AMBRA1: variants seen among roughly 807,000 people sequenced by gnomAD.
The protein encoded by AMBRA1 is autophagy and beclin 1 regulator 1, also known as activating molecule in BECN1-regulated autophagy protein 1.
Under a neutral mutation model 125.4 loss-of-function variants are expected in AMBRA1, and 47 were observed. That is an observed-to-expected ratio of 0.37 (90% CI 0.30 to 0.48). The LOEUF (loss-of-function observed/expected upper bound fraction) is 0.48, where lower values mean the gene tolerates loss of function less well. Among genes scored for constraint, AMBRA1 ranks in the 20% least tolerant of loss-of-function variants. AMBRA1 has a pLI of 0.99. For synonymous variants in AMBRA1, 626 were observed against 655.5 expected (o/e 0.95, Z 0.69); for missense variants, 1,331 against 1,693.4 (o/e 0.79, Z 3.76).
rs143880001 is a variant in AMBRA1 at position 46,508,349 on chromosome 11, G to A, written c.2181C>T (p.Tyr727=). 2,689 of 1,614,110 alleles carry A rather than the reference G, an allele frequency of 1.7e-3. 14 individuals are homozygous for A. The highest frequency in any genetic ancestry group is 1.2e-3 in the Non-Finnish European group (1,398 of 1,179,980). The change falls in exon 9 of 18, where the codon TAC becomes TAT. Residue 727 remains tyrosine, a synonymous_variant. Transcript: ENST00000683756. The stretch of plus-strand genomic sequence containing the variant: ...AGAGATACTGGATCATCCTCTGGGC[G>A]TAGTATGCAGCAGGAGATAATCTGA... ...DPARLSPAAY[Y]AQRMIQYLSR... is the part of the protein sequence containing the mutation.
chr11:46,467,797 AG>A (rs773305075), intron 11 of AMBRA1, among the ~76,000 whole-genome samples: 15 of 152,194 alleles, frequency 9.9e-5, no homozygotes, highest in African/African-American at 3.4e-4. Flanking sequence ...CTGGGATTAT[AG>A]GTGTGAGCCA....
chr11:46,525,837 A>G (rs1158756977), intron 7 of AMBRA1, among the ~76,000 whole-genome samples: 1 of 151,362 alleles, frequency 6.6e-6, no homozygotes, highest in Non-Finnish European at 1.5e-5. Context: ...GCTTGAACCC[A>G]GAAGATGGAG....
At position 46,547,859 on chromosome 11, in the gene AMBRA1, T is replaced by C; in HGVS notation, c.152A>G (p.Asp51Gly). 1.9e-6 allele frequency: 3 copies of C among 1,606,578 alleles called. No individual in the cohort carries two copies. Among genetic ancestry groups the C allele is most frequent in the Non-Finnish European group, 2.5e-6 (3 of 1,177,148 alleles). ...KWEGKRVELP[D>G]SPRSTFLLAF... ...CAATAAGAAGGTAGAGCGTGGACTA[T>C]CCGGCAGTTCTACTCTCTGGGAGAC... The change falls in exon 3 of 18, where the codon GAT (aspartate) becomes GGT (glycine). Residue 51 changes from aspartate (D) to glycine (G), a missense_variant. By Grantham distance (94) the Asp-to-Gly change is moderately conservative (BLOSUM62 -1). Around this residue, in one of 4 missense-constraint regions of AMBRA1, gnomAD observed 144 missense variants for 250.4 expected, o/e 0.58. Coordinates refer to ENST00000683756, the MANE Select transcript of AMBRA1 (RefSeq NM_001387011.1).
At chr11:46,446,030 C>T (rs1268532096) in intron 11 of AMBRA1, among the ~76,000 whole-genome samples, 1 of 152,178 alleles carries the variant, frequency 6.6e-6, no homozygotes, top group African/African-American at 2.4e-5. Flanking sequence ...GCTCCAGAGG[C>T]ATCCTGTACT....
intron 11 of AMBRA1, among the ~76,000 whole-genome samples, chr11:46,459,108 G>A (rs998156713): frequency 5.9e-5 from 9 of 152,226 alleles, no homozygotes; most frequent in African/African-American, 1.9e-4. Context: ...GGAACACCAC[G>A]CAGCCACTAC....
At chr11:46,488,963 C>T (rs943852329) in intron 11 of AMBRA1, among the ~76,000 whole-genome samples, 3 of 152,092 alleles carry the variant, frequency 2.0e-5, no homozygotes, top group Non-Finnish European at 2.9e-5. Context: ...AGTGCGGGGG[C>T]GAGATCTTGG....
chr11:46,579,045 T>TTAAAAAAA (rs755297972), intron 1 of AMBRA1, among the ~76,000 whole-genome samples: 4 of 68,028 alleles, frequency 5.9e-5, no homozygotes, highest in Non-Finnish European at 9.1e-5. Context: ...AAGAAAGCAA[T>TTAAAAAAA]AAAAAAAAAA....
At chr11:46,533,379 A>T (rs1280021943) in intron 7 of AMBRA1, among the ~76,000 whole-genome samples, 1 of 152,230 alleles carries the variant, frequency 6.6e-6, no homozygotes, top group Non-Finnish European at 1.5e-5. Flanking sequence ...AGCAAAAAAC[A>T]GGAATTTCAT....
At chr11:46,468,339 A>G (rs1949418863) in intron 11 of AMBRA1, among the ~76,000 whole-genome samples, 1 of 151,994 alleles carries the variant, frequency 6.6e-6, no homozygotes, top group Non-Finnish European at 1.5e-5. Context: ...CAGGAGTTTG[A>G]GAACAGCCTG....
intron 1 of AMBRA1, among the ~76,000 whole-genome samples, chr11:46,586,964 A>G (rs1472371454): frequency 6.6e-6 from 1 of 152,056 alleles, no homozygotes; most frequent in African/African-American, 2.4e-5. Flanking sequence ...ATCCTCTCCA[A>G]CTCAGCAAAA....
chr11:46,430,860 A>G (rs185307961), intron 14 of AMBRA1, among the ~76,000 whole-genome samples: 47 of 152,310 alleles, frequency 3.1e-4, no homozygotes, highest in African/African-American at 1.0e-3. Flanking sequence ...AGAGCTTGAC[A>G]TTAGAGATGG....
chr11:46,439,484 C>T (rs1169383381), intron 12 of AMBRA1, among the ~76,000 whole-genome samples: 6 of 152,020 alleles, frequency 3.9e-5, no homozygotes, highest in Middle Eastern at 6.8e-3. Context: ...AAGTGAGTAG[C>T]CATATGGGGG....
rs886508289 is a variant in AMBRA1, at chr11:46,548,166, C to G, written c.135+80G>C. ...CACACAAGATAAATATATCCCAACTCTCTGCTGTTAACCCATTCTAAGGTC... is the reference window on the plus strand; with the variant it reads ...CACACAAGATAAATATATCCCAACTGTCTGCTGTTAACCCATTCTAAGGTC... On this transcript the variant is annotated intron_variant, in intron 2 of 17. Coordinates refer to ENST00000683756, the MANE Select transcript of AMBRA1 (RefSeq NM_001387011.1). 3 of 1,578,880 alleles carry G rather than the reference C, an allele frequency of 1.9e-6. No individual in the cohort carries two copies. The African/African-American group carries it at 4.0e-5, about 21-fold the overall frequency.
In AMBRA1 at chr11:46,542,658, C is replaced by T. The variant is rs758483193; in HGVS notation, c.1359G>A (p.Gln453=). The change falls in exon 7 of 18, where the codon CAG becomes CAA. Residue 453 remains glutamine (Q), a synonymous_variant. Transcript: ENST00000683756. The surrounding 1 kb of genome is among the most constrained non-coding windows in gnomAD (Gnocchi z 5.9). ...SSVSLLSVLR[Q]QEGGSQASVY... is the part of the protein sequence containing the mutation. ...CAGATGCCTGAGAGCCACCTTCCTGCTGTCTCAGCACAGACAGCAAACTCA... is the reference window on the plus strand; with the variant it reads ...CAGATGCCTGAGAGCCACCTTCCTGTTGTCTCAGCACAGACAGCAAACTCA... The T allele has an allele frequency of 2.2e-5, 36 of 1,614,086 alleles. No individual in the cohort carries two copies. The highest frequency in any genetic ancestry group is 3.0e-5 in the Non-Finnish European group (35 of 1,180,046).
intron 1 of AMBRA1, among the ~76,000 whole-genome samples, chr11:46,560,066 C>T (rs918842923): frequency 2.0e-5 from 3 of 152,116 alleles, no homozygotes; most frequent in South Asian, 2.1e-4. Context: ...TTATAAAAAG[C>T]CACAGATTAC....
chr11:46,409,407 C>T (rs1439117627), intron 16 of AMBRA1, among the ~76,000 whole-genome samples: 5 of 152,118 alleles, frequency 3.3e-5, no homozygotes, highest in Non-Finnish European at 7.4e-5. Context: ...ACCATGTTGG[C>T]CAGGATGGTC....
intron 7 of AMBRA1, among the ~76,000 whole-genome samples, chr11:46,532,291 CAG>C (rs1952253816): frequency 6.6e-6 from 1 of 152,114 alleles, no homozygotes; most frequent in Non-Finnish European, 1.5e-5. Flanking sequence ...ACAAGGGTGT[CAG>C]AGAACAAATG....
chr11:46,541,969 C>A lies in AMBRA1; in HGVS notation c.2048G>T (p.Ser683Ile). 1 of 1,612,774 alleles carries A rather than the reference C, an allele frequency of 6.2e-7. No homozygotes were observed. Among genetic ancestry groups the A allele is most frequent in the East Asian group, 2.2e-5 (1 of 44,882 alleles). The change falls in exon 7 of 18, where the codon AGC becomes ATC. Residue 683 changes from serine to isoleucine, a missense_variant. Physicochemically the swap from Ser to Ile is moderately radical, Grantham distance 142. This residue lies in a region of AMBRA1 where 689 missense variants were observed against 776.5 expected (regional missense o/e 0.89). Coordinates refer to ENST00000683756, the MANE Select transcript of AMBRA1 (RefSeq NM_001387011.1). ...CCTCCTGAGTGAATCCTCCTCAGAG[C>A]TCTCCTCAGGCATATCCTGATGTAA... is the stretch of plus-strand genomic sequence containing the variant. ...EALHQDMPEE[S>I]SEEDSLRRRL...
At chr11:46,406,857 T>C (rs1337926934) in intron 17 of AMBRA1, among the ~76,000 whole-genome samples, 1 of 150,496 alleles carries the variant, frequency 6.6e-6, no homozygotes, top group African/African-American at 2.5e-5. Context: ...CACTCCAGCC[T>C]CTGCGACAGA....
Sources: allele counts gnomAD v4.1 joint callset (sites outside exome capture counted in the v4.1 genomes callset), GRCh38; gene constraint gnomAD v4.1.1; regional missense constraint gnomAD v4.1.1; non-coding constraint Gnocchi (gnomAD v3.1); transcripts MANE v1.5; gene names NCBI Gene and HGNC (gene_info 2026-07-23, HGNC 2026-07-21).